MLIP: variants seen among roughly 807,000 people sequenced by gnomAD.
MLIP encodes the protein muscular LMNA-interacting protein.
Under a neutral mutation model 84.8 loss-of-function variants are expected in MLIP, and 79 were observed. The observed-to-expected ratio is 0.93, with a 90% CI of 0.78 to 1.12. MLIP has a LOEUF of 1.12. Among genes scored for constraint, MLIP ranks in the 50% most tolerant of loss-of-function variants. The pLI is 0.00. For synonymous variants in MLIP, 504 were observed against 463.0 expected, an observed-to-expected ratio of 1.09 and a Z score of -1.14; for missense variants, 1,257 against 1,160.6, an observed-to-expected ratio of 1.08 and a Z score of -1.21.
intron 11 of MLIP, among the ~76,000 whole-genome samples, chr6:54,218,317 T>C (rs1287901535): frequency 6.6e-6 from 1 of 152,152 alleles, no homozygotes; most frequent in African/African-American, 2.4e-5. Context: ...GGTAAGTATT[T>C]GTGTATCTAA....
At chr6:54,060,716 A>G (rs1461183664) in intron 1 of MLIP, among the ~76,000 whole-genome samples, 3 of 152,236 alleles carry the variant, frequency 2.0e-5, no homozygotes, top group African/African-American at 7.2e-5. Context: ...TTGGAACTAT[A>G]TAGAGAAAAA....
At chr6:54,051,930 T>C (rs1765397842) in intron 1 of MLIP, among the ~76,000 whole-genome samples, 1 of 152,132 alleles carries the variant, frequency 6.6e-6, no homozygotes, top group Admixed American at 6.5e-5. Flanking sequence ...TGGGAATTTA[T>C]TGCTTGGTAT....
chr6:54,167,023 A>G (rs191075990), intron 8 of MLIP, among the ~76,000 whole-genome samples: 87 of 151,836 alleles, frequency 5.7e-4, no homozygotes, highest in Non-Finnish European at 1.2e-3. Flanking sequence ...TAGAAATCCT[A>G]TTTCTATAGC....
chr6:54,046,794 TCTGCTTG>T (rs1345867752), intron 1 of MLIP: 1 of 152,206 alleles, frequency 6.6e-6, no homozygotes, highest in Non-Finnish European at 1.5e-5. Flanking sequence ...CAGAAATTTT[TCTGCTTG>T]CTGCTGAGGA....
chr6:54,133,804 T>C (rs954701810), intron 3 of MLIP, among the ~76,000 whole-genome samples: 1 of 152,178 alleles, frequency 6.6e-6, no homozygotes, highest in Admixed American at 6.6e-5. Context: ...CTGAGATTAT[T>C]GTGAATGTTT....
At chr6:54,076,828 T>C (rs1766833988) in intron 1 of MLIP, among the ~76,000 whole-genome samples, 1 of 152,086 alleles carries the variant, frequency 6.6e-6, no homozygotes, top group African/African-American at 2.4e-5. Flanking sequence ...AGGTCAATGT[T>C]TTCTAGGGGT....
chr6:54,094,158 T>G (rs1392534120), intron 1 of MLIP, among the ~76,000 whole-genome samples: 1 of 152,138 alleles, frequency 6.6e-6, no homozygotes, highest in East Asian at 1.9e-4. Flanking sequence ...AATATTTTAT[T>G]TAGCTACCAG....
At chr6:54,034,883 C>G (rs1236007255) in intron 1 of MLIP, among the ~76,000 whole-genome samples, 1 of 152,114 alleles carries the variant, frequency 6.6e-6, no homozygotes, top group Non-Finnish European at 1.5e-5. Flanking sequence ...CCGGTAAGCT[C>G]TATTCATGGT....
At chr6:54,246,363 T>C (rs1378791562) in intron 12 of MLIP, among the ~76,000 whole-genome samples, 1 of 152,194 alleles carries the variant, frequency 6.6e-6, no homozygotes, top group African/African-American at 2.4e-5. Flanking sequence ...GGTTCATTGA[T>C]TTTATTACCA....
At chr6:54,247,774 C>A (rs1782189003) in intron 12 of MLIP, among the ~76,000 whole-genome samples, 1 of 152,112 alleles carries the variant, frequency 6.6e-6, no homozygotes, top group Non-Finnish European at 1.5e-5. Flanking sequence ...TACCCTCTCC[C>A]TCCTCAACCA....
At chr6:54,084,497 A>T (rs1378903867) in intron 1 of MLIP, among the ~76,000 whole-genome samples, 1 of 152,136 alleles carries the variant, frequency 6.6e-6, no homozygotes, top group African/African-American at 2.4e-5. Flanking sequence ...TAAGACAGGG[A>T]GAGGGTATTT....
intron 12 of MLIP, among the ~76,000 whole-genome samples, chr6:54,238,621 T>C (rs1028250132): frequency 2.0e-5 from 3 of 152,174 alleles, no homozygotes; most frequent in African/African-American, 7.2e-5. Flanking sequence ...GAGTGAGGAC[T>C]AAGCCTTCAC....
intron 1 of MLIP, among the ~76,000 whole-genome samples, chr6:54,074,220 G>A (rs558946955): frequency 6.6e-6 from 1 of 152,270 alleles, no homozygotes; most frequent in East Asian, 1.9e-4. Flanking sequence ...GTAGAAATAT[G>A]TAATTGATTT....
At chr6:54,179,944 A>G (rs959449656) in intron 9 of MLIP, among the ~76,000 whole-genome samples, 4 of 152,092 alleles carry the variant, frequency 2.6e-5, no homozygotes, top group Non-Finnish European at 5.9e-5. Context: ...CTTTTCTTTC[A>G]AATTGAAGAG....
chr6:54,247,484 C>A (rs934600865), intron 12 of MLIP, among the ~76,000 whole-genome samples: 1 of 151,986 alleles, frequency 6.6e-6, no homozygotes, highest in Non-Finnish European at 1.5e-5. Flanking sequence ...CTGACAGGAC[C>A]ATATAGTCAG....
At chr6:54,229,044 A>T (rs1313715748) in intron 11 of MLIP, among the ~76,000 whole-genome samples, 2 of 152,238 alleles carry the variant, frequency 1.3e-5, no homozygotes. Flanking sequence ...TTTCATTTTC[A>T]TTCAATGTTA....
Position 54,137,285 on chromosome 6 carries a change from G to C in MLIP, c.1216G>C (p.Val406Leu). Reference protein sequence around the residue: ...SSSGNLSKSGVKSPVPSRLAL... With the variant: ...SSSGNLSKSGLKSPVPSRLAL... The stretch of plus-strand genomic sequence containing the variant: ...TAGTGGAAATCTTTCAAAGTCAGGG[G>C]TAAAATCCCCGGTGCCTTCCCGGCT... Residue 406 changes from valine to leucine, a missense_variant, in exon 4 of 14, where the codon GTA becomes CTA. Transcript: ENST00000502396. 1 of 1,535,968 alleles carries C rather than the reference G, an allele frequency of 6.5e-7. No homozygotes were observed. The highest frequency in any genetic ancestry group is 8.7e-7 in the Non-Finnish European group (1 of 1,146,896).
At chr6:54,020,860 T>A (rs1158201836) in intron 1 of MLIP, among the ~76,000 whole-genome samples, 2 of 152,136 alleles carry the variant, frequency 1.3e-5, no homozygotes, top group Non-Finnish European at 2.9e-5. Flanking sequence ...TCACCTGCAT[T>A]GAGAAGAGAG....
chr6:54,176,389 C>A (rs553438575), intron 9 of MLIP, among the ~76,000 whole-genome samples: 4 of 151,716 alleles, frequency 2.6e-5, no homozygotes, highest in Non-Finnish European at 4.4e-5. Flanking sequence ...TACTGGGAGA[C>A]TTTTTATTAC....
Sources: gnomAD v4.1 joint callset for allele counts (sites outside exome capture counted in the v4.1 genomes callset) on GRCh38, gnomAD v4.1.1 for gene constraint, MANE v1.5 for transcripts, NCBI Gene and HGNC (gene_info 2026-07-23, HGNC 2026-07-21) for gene names.